AGBL3: variants seen among roughly 807,000 people sequenced by gnomAD.
AGBL3 encodes the protein cytosolic carboxypeptidase 3.
Under a neutral mutation model 94.5 loss-of-function variants are expected in AGBL3, and 68 were observed. That is an observed-to-expected ratio of 0.72 (90% confidence interval 0.59 to 0.88). The LOEUF (loss-of-function observed/expected upper bound fraction) is 0.88. Among genes scored for constraint, AGBL3 ranks in the 40% least tolerant of loss-of-function variants. AGBL3 has a pLI of 0.00. For missense variants in AGBL3, 934 were observed against 1,103.8 expected (o/e 0.85, Z 2.18); for synonymous variants, 354 against 370.7 (o/e 0.95, Z 0.52).
intron 2 of AGBL3, among the ~76,000 whole-genome samples, chr7:134,988,887 C>T (rs1233848960): frequency 6.6e-6 from 1 of 152,210 alleles, no homozygotes; most frequent in East Asian, 1.9e-4. Context: ...ATCCACCCGC[C>T]TTGGCCTCCC....
At chr7:135,051,865 G>T (rs904690520) in intron 11 of AGBL3, among the ~76,000 whole-genome samples, 2 of 151,782 alleles carry the variant, frequency 1.3e-5, no homozygotes, top group African/African-American at 4.8e-5. Context: ...ACATTTCTTT[G>T]TAATTCTTTT....
intron 15 of AGBL3, among the ~76,000 whole-genome samples, chr7:135,108,196 G>T (rs1326576900): frequency 2.0e-5 from 3 of 152,054 alleles, no homozygotes; most frequent in African/African-American, 7.2e-5. Context: ...TTAAATGGGG[G>T]CATTTAGCCC....
chr7:135,050,756 A>G (rs1035842278), intron 11 of AGBL3, among the ~76,000 whole-genome samples: 10 of 152,084 alleles, frequency 6.6e-5, no homozygotes, highest in African/African-American at 1.4e-4. Context: ...TTACCATTTT[A>G]GCATGGAATA....
intron 12 of AGBL3, among the ~76,000 whole-genome samples, chr7:135,060,216 T>TACTAG (rs1818702303): frequency 6.6e-6 from 1 of 152,242 alleles, no homozygotes; most frequent in African/African-American, 2.4e-5. Flanking sequence ...GAGACAGTTT[T>TACTAG]ACTAAATGTA....
In AGBL3 at chr7:135,068,917, C is replaced by A. The variant is rs1180890470; in HGVS notation, c.1909-7480C>A. ...TTAAATGTAAATGGGCTAAATGCTC[C>A]AATTAAGACAGACTGGCAAATTGGA... is the stretch of plus-strand genomic sequence containing the variant. On this transcript the variant is annotated intron_variant, in intron 12 of 16. Coordinates refer to ENST00000436302, the MANE Select transcript of AGBL3 (RefSeq NM_178563.4). Among the ~76,000 whole-genome samples the A allele has an allele frequency of 2.6e-5, 4 of 151,994 alleles. No individual in the cohort carries two copies. In the South Asian group the frequency reaches 6.2e-4, roughly 24 times the overall value.
chr7:134,994,694 A>T (rs935158379), intron 4 of AGBL3, among the ~76,000 whole-genome samples: 1 of 152,210 alleles, frequency 6.6e-6, no homozygotes, highest in African/African-American at 2.4e-5. Context: ...TTCATATATC[A>T]TCTGGCATAT....
chr7:135,060,426 C>A (rs1818725198), intron 12 of AGBL3, among the ~76,000 whole-genome samples: 1 of 152,070 alleles, frequency 6.6e-6, no homozygotes, highest in Non-Finnish European at 1.5e-5. Context: ...AAAATCTATT[C>A]TTAGCAATTT....
intron 13 of AGBL3, among the ~76,000 whole-genome samples, chr7:135,079,656 C>CG (rs1379088858): frequency 6.9e-6 from 1 of 144,208 alleles, no homozygotes; most frequent in Admixed American, 7.0e-5. Context: ...TCGGTAGAGG[C>CG]GGGGTTTCAC....
At chr7:135,008,012 C>T (rs1363106808) in intron 4 of AGBL3, among the ~76,000 whole-genome samples, 2 of 151,846 alleles carry the variant, frequency 1.3e-5, no homozygotes, top group Non-Finnish European at 2.9e-5. Context: ...ATAGACATCC[C>T]ATGTTTATGG....
chr7:135,070,772 C>T (rs1160734000), intron 12 of AGBL3, among the ~76,000 whole-genome samples: 1 of 151,802 alleles, frequency 6.6e-6, no homozygotes, highest in Non-Finnish European at 1.5e-5. Context: ...CAATATCATA[C>T]TGAATGGGCA....
At chr7:135,115,825 C>T (rs959297609) in intron 16 of AGBL3, 4 of 479,706 alleles carry the variant, frequency 8.3e-6, no homozygotes, top group African/African-American at 5.9e-5. Context: ...TGATTATTTG[C>T]ATGAAACTAC....
At position 134,986,690 on chromosome 7, in the gene AGBL3, C is replaced by G. The variant is rs1047266073; in HGVS notation, c.-71C>G. 6.6e-6 allele frequency: 1 copy of G among 152,512 alleles called. No homozygotes were observed. The highest frequency in any genetic ancestry group is 2.1e-4 in the South Asian group (1 of 4,830). The allele number at this position is 152,512 out of a possible 1,614,324, so 9.4% of individuals were successfully genotyped here. On this transcript the variant is annotated 5_prime_UTR_variant, in exon 1 of 17. Transcript: ENST00000436302. The stretch of plus-strand genomic sequence containing the variant: ...CGTGGGAGCGAGGTGCCGGCCCCGA[C>G]AGGACGGTGAGGTATGCAGAAGTAA...
chr7:135,074,098 A>T (rs1237623884), intron 12 of AGBL3, among the ~76,000 whole-genome samples: 1 of 152,218 alleles, frequency 6.6e-6, no homozygotes, highest in African/African-American at 2.4e-5. Flanking sequence ...AATAAGTGGT[A>T]ACTATGTGAG....
chr7:134,986,973 A>G (rs957927667), intron 1 of AGBL3, among the ~76,000 whole-genome samples: 2 of 152,266 alleles, frequency 1.3e-5, no homozygotes, highest in Non-Finnish European at 2.9e-5. Context: ...CCAGAGCTGT[A>G]TCCGCAGCAG....
At chr7:135,024,220 G>A (rs931393486) in intron 5 of AGBL3, among the ~76,000 whole-genome samples, 1 of 152,196 alleles carries the variant, frequency 6.6e-6, no homozygotes, top group Non-Finnish European at 1.5e-5. Flanking sequence ...ACAAGGCCCA[G>A]AGCGGGCCTG....
chr7:135,063,536 G>T (rs997379329), intron 12 of AGBL3, among the ~76,000 whole-genome samples: 1 of 151,496 alleles, frequency 6.6e-6, no homozygotes, highest in Non-Finnish European at 1.5e-5. Flanking sequence ...TCTTAGAACT[G>T]CTTTTGCTGC....
chr7:135,001,399 C>T (rs1195823339), intron 4 of AGBL3, among the ~76,000 whole-genome samples: 3 of 152,158 alleles, frequency 2.0e-5, no homozygotes, highest in African/African-American at 7.2e-5. Context: ...CCCTTTTCAT[C>T]AGTCTATCCA....
Position 134,989,296 on chromosome 7 carries a change from G to A in AGBL3, c.110G>A (p.Cys37Tyr). ...TTTGTAAGTGAAGATCTTCATCGGT[G>A]TGCACTTTTAACAGGTTTGAACCTA... ...MKFVSEDLHR[C>Y]ALLTADSFGD... Residue 37 changes from cysteine (C) to tyrosine (Y), a missense_variant, in exon 3 of 17, where the codon TGT becomes TAT. Cys to Tyr is a radical substitution (Grantham distance 194, BLOSUM62 -2). Around this residue, in one of 3 missense-constraint regions of AGBL3, gnomAD observed 488 missense variants for 563.6 expected, o/e 0.87. Coordinates refer to ENST00000436302, the MANE Select transcript of AGBL3 (RefSeq NM_178563.4). 1 of 1,547,514 alleles carries A rather than the reference G, an allele frequency of 6.5e-7. No homozygotes were observed. Among genetic ancestry groups the A allele is most frequent in the South Asian group, 1.2e-5 (1 of 83,292 alleles).
In AGBL3 at chr7:135,085,506, A is replaced by T. The variant is rs6963915; in HGVS notation, c.2110+3716A>T. 7.1e-3 allele frequency among the ~76,000 whole-genome samples: 1,082 copies of T among 152,058 alleles called. 15 individuals carry two copies. The highest frequency in any genetic ancestry group is 0.025 in the African/African-American group (1,025 of 41,496). ...GGTCTTACATTTAAGTTCTTAGTCCATTTTGAATTGACCTTTTTTATGGTG... is the reference window on the plus strand; with the variant it reads ...GGTCTTACATTTAAGTTCTTAGTCCTTTTTGAATTGACCTTTTTTATGGTG... On this transcript the variant is annotated intron_variant, in intron 15 of 16. Transcript: ENST00000436302.
Sources: allele counts gnomAD v4.1 joint callset (sites outside exome capture counted in the v4.1 genomes callset), GRCh38; gene constraint gnomAD v4.1.1; regional missense constraint gnomAD v4.1.1; transcripts MANE v1.5; gene names NCBI Gene and HGNC (gene_info 2026-07-23, HGNC 2026-07-21).